The following RAET1E variants were observed in gnomAD, a reference collection of about 807,000 sequenced individuals.
The protein encoded by RAET1E is NKG2D ligand 4.
RAET1E carries 27 observed loss-of-function variants against 21.1 expected under a neutral mutation model. The ratio of observed to expected loss-of-function variants is 1.28; its 90% CI spans 0.94 to 1.76. The LOEUF (loss-of-function observed/expected upper bound fraction) is 1.76. Among genes scored for constraint, RAET1E ranks in the 40% most tolerant of loss-of-function variants. The pLI is 0.00. For synonymous variants in RAET1E, 113 were observed against 115.0 expected, an observed-to-expected ratio of 0.98 and a Z score of 0.11; for missense variants, 310 against 311.3, an observed-to-expected ratio of 1.00 and a Z score of 0.03.
At chr6:149,897,839 C>T (rs942738261) in intron 1 of RAET1E, among the ~76,000 whole-genome samples, 182 bp downstream of exon 1, 4 of 152,052 alleles carry the variant, frequency 2.6e-5, no homozygotes, top group African/African-American at 4.8e-5. Context: ...ACCCCGTCCT[C>T]CCTGCCTTAT....
In RAET1E at chr6:149,889,352, C is replaced by T. The variant is rs147799535; in HGVS notation, c.618G>A (p.Pro206=). ...TCTCCCACCCAGCTCAGTTACCTGT[C>T]GGTTCTGGCATTGCCTCCCAGTGCC... ...FLGHWEAMPE[P]TVSPVNASDI... Residue 206 remains proline (P), a synonymous_variant, in exon 5 of 6, where the codon CCG becomes CCA. Coordinates refer to ENST00000357183, the MANE Select transcript of RAET1E (RefSeq NM_001394057.1). 101 of 1,614,000 alleles carry T rather than the reference C, an allele frequency of 6.3e-5. No homozygotes were observed. The highest frequency in any genetic ancestry group is 7.4e-5 in the Non-Finnish European group (87 of 1,179,990).
intron 2 of RAET1E, among the ~76,000 whole-genome samples, chr6:149,894,829 T>C (rs1582779689): frequency 6.6e-6 from 1 of 152,202 alleles, no homozygotes; most frequent in Non-Finnish European, 1.5e-5. Context: ...GGCGAGGAGT[T>C]GTGATCATTT....
chr6:149,889,180 G>A, intron 5 of RAET1E, 168 bp downstream of exon 5: 1 of 1,441,932 alleles, frequency 6.9e-7, no homozygotes, highest in Non-Finnish European at 9.0e-7. Flanking sequence ...GGTGGGATGG[G>A]AAAGGGAGGA....
At chr6:149,889,207 T>C in intron 5 of RAET1E, 141 bp downstream of exon 5, 1 of 1,452,958 alleles carries the variant, frequency 6.9e-7, no homozygotes, top group Non-Finnish European at 9.0e-7. Context: ...GAAATCCTTA[T>C]AGCCATCACT....
intron 3 of RAET1E, 84 bp downstream of exon 3, chr6:149,890,733 G>T: frequency 1.1e-6 from 1 of 905,988 alleles, no homozygotes; most frequent in Non-Finnish European, 1.8e-6. Context: ...CTTGTCTGAA[G>T]CCTGCATGAA....
At position 149,886,306 on chromosome 6, in the gene RAET1E, G is replaced by A. The variant is rs768824316; in HGVS notation, c.*2192C>T. Among the ~76,000 whole-genome samples the A allele has an allele frequency of 1.3e-5, 2 of 152,176 alleles. No homozygotes were observed. Among genetic ancestry groups the A allele is most frequent in the Non-Finnish European group, 2.9e-5 (2 of 68,040 alleles). On this transcript the variant is annotated 3_prime_UTR_variant, in exon 6 of 6. Coordinates refer to ENST00000357183, the MANE Select transcript of RAET1E (RefSeq NM_001394057.1). ...AAACATTTGAGGATTTTTCCAGATA[G>A]CTTCCTGCTGTTGATTTCTAGTTTA... is the stretch of plus-strand genomic sequence containing the variant.
chr6:149,888,474 C>A lies in RAET1E; in HGVS notation c.*24G>T. 6.2e-7 allele frequency: 1 copy of A among 1,605,480 alleles called. No individual in the cohort carries two copies. The highest frequency in any genetic ancestry group is 1.1e-5 in the South Asian group (1 of 90,560). On this transcript the variant is annotated 3_prime_UTR_variant, in exon 6 of 6. Transcript: ENST00000357183. ...GGGGGCTTGGATGAGACCCATGATTCACCTCTCTTGAGTCCTTACCAGACT... is the reference window on the plus strand; with the variant it reads ...GGGGGCTTGGATGAGACCCATGATTAACCTCTCTTGAGTCCTTACCAGACT...
chr6:149,884,385 G>T lies in RAET1E; in HGVS notation c.*4113C>A. 2 of 1,076,166 alleles carry T rather than the reference G, an allele frequency of 1.9e-6. No individual in the cohort carries two copies. The highest frequency in any genetic ancestry group is 2.7e-6 in the Non-Finnish European group (2 of 729,946). The allele number at this position is 1,076,166 out of a possible 1,614,324, so 66.7% of individuals were successfully genotyped here. A position where few individuals can be genotyped will look rare whatever the true frequency, so the allele number is the denominator to read the frequency against. On this transcript the variant is annotated 3_prime_UTR_variant, in exon 6 of 6. Transcript: ENST00000357183. ...GAGGCGCGATCTCCGCTCATTGCAG[G>T]CTCCGCCTCCACTTGACTCAGGGAA...
chr6:149,888,689 A>AG (rs754082952), intron 5 of RAET1E, 22 bp from the exon 6 acceptor site: 1 of 1,542,824 alleles, frequency 6.5e-7, no homozygotes, highest in Non-Finnish European at 8.6e-7. Context: ...AAAAAAAAGA[A>AG]AAAAAAGCAC....
In RAET1E at chr6:149,888,166, G is replaced by C. The variant is rs759232858; in HGVS notation, c.*332C>G. On this transcript the variant is annotated 3_prime_UTR_variant, in exon 6 of 6. Coordinates refer to ENST00000357183, the MANE Select transcript of RAET1E (RefSeq NM_001394057.1). ...CAAGCGCCACCAGCAAGTCTTCTCA[G>C]GGTGAACGGGAAAAGGGGATGGGAC... 2.8e-5 allele frequency: 16 copies of C among 572,010 alleles called. No individual in the cohort carries two copies. The highest frequency in any genetic ancestry group is 1.9e-4 in the Admixed American group (10 of 52,018). 35.4% of individuals were successfully genotyped at this position (572,010 alleles called of 1,614,324 possible).
rs1200750168 is a variant in RAET1E, at chr6:149,884,624, G to T, written c.*3874C>A. 9.5e-6 allele frequency: 8 copies of T among 839,122 alleles called. No homozygotes were observed. Among genetic ancestry groups the T allele is most frequent in the Middle Eastern group, 2.2e-4 (1 of 4,596 alleles). The allele number at this position is 839,122 out of a possible 1,614,324, so 52.0% of individuals were successfully genotyped here. On this transcript the variant is annotated 3_prime_UTR_variant, in exon 6 of 6. Transcript: ENST00000357183. Reference sequence around the variant, plus strand: ...TCTCAGGGAGAGATCAGCCGCTATTGTTCACATTCTGCCTCTCTGTCATCT... The same window carrying T: ...TCTCAGGGAGAGATCAGCCGCTATTTTTCACATTCTGCCTCTCTGTCATCT...
intron 5 of RAET1E, 196 bp downstream of exon 5, chr6:149,889,152 G>A (rs1777758142): frequency 7.0e-7 from 1 of 1,438,736 alleles, no homozygotes; most frequent in Non-Finnish European, 9.1e-7. Flanking sequence ...TTTCTACACT[G>A]AGGAAGAAAC....
In RAET1E at chr6:149,883,181, G is replaced by C. The variant is rs1777472088; in HGVS notation, c.*5317C>G. ...TAATAGAAGGGATAGTCTGAAAACAGAGTTGCAAATAAGTTTATAATTTGT... is the reference window on the plus strand; with the variant it reads ...TAATAGAAGGGATAGTCTGAAAACACAGTTGCAAATAAGTTTATAATTTGT... On this transcript the variant is annotated 3_prime_UTR_variant, in exon 6 of 6. Transcript: ENST00000357183. 6.6e-6 allele frequency among the ~76,000 whole-genome samples: 1 copy of C among 152,044 alleles called. No homozygotes were observed. The highest frequency in any genetic ancestry group is 2.4e-5 in the African/African-American group (1 of 41,392).
At position 149,888,685 on chromosome 6, in the gene RAET1E, A is replaced by G. The variant is rs536446234; in HGVS notation, c.623-18T>C. Reference sequence around the variant, plus strand: ...TGGTGACACTAAAAAAAAAAAAAAAAAGAAAAAAAAGCACAAGCCCTGTCA... The same window carrying G: ...TGGTGACACTAAAAAAAAAAAAAAAGAGAAAAAAAAGCACAAGCCCTGTCA... On this transcript the variant is annotated intron_variant, in intron 5 of 5. Transcript: ENST00000357183. The G allele has an allele frequency of 4.5e-4, 692 of 1,551,786 alleles. 4 individuals are homozygous for G. In the African/African-American group the frequency reaches 9.0e-3, roughly 20 times the overall value.
At chr6:149,890,190 C>T in intron 3 of RAET1E, 45 bp from the exon 4 acceptor site, 1 of 1,602,278 alleles carries the variant, frequency 6.2e-7, no homozygotes, top group Non-Finnish European at 8.5e-7. Flanking sequence ...GGGGAAGAGG[C>T]CCATTAGAAC....
chr6:149,890,987 G>T lies in RAET1E; in HGVS notation c.-86C>A, dbSNP rs967814266. ...GAAGAAATGTTATCCAACAGCGTGG[G>T]TGTGGGCACTGCCCAAATTCTTTAC... On this transcript the variant is annotated 5_prime_UTR_variant, in exon 3 of 6. Transcript: ENST00000357183. 2.1e-6 allele frequency: 2 copies of T among 971,656 alleles called. No homozygotes were observed. The highest frequency in any genetic ancestry group is 1.9e-5 in the Admixed American group (1 of 52,700). 60.2% of individuals were successfully genotyped at this position (971,656 alleles called of 1,614,324 possible).
chr6:149,889,106 G>A, intron 5 of RAET1E: 2 of 1,423,018 alleles, frequency 1.4e-6, no homozygotes, highest in Non-Finnish European at 9.1e-7. Flanking sequence ...TTAGCAGTGG[G>A]TCATTGTGAC....
rs1777526987 is a variant in RAET1E, at chr6:149,884,562, C to T, written c.*3936G>A. On this transcript the variant is annotated 3_prime_UTR_variant, in exon 6 of 6. Coordinates refer to ENST00000357183, the MANE Select transcript of RAET1E (RefSeq NM_001394057.1). ...TGGGTCAGATCAGCTCAGGATTGAC[C>T]CCTCCGTGATCTCTCAGGACTCAGA... 6.7e-7 allele frequency: 1 copy of T among 1,486,302 alleles called. No homozygotes were observed. Among genetic ancestry groups the T allele is most frequent in the Non-Finnish European group, 9.1e-7 (1 of 1,102,094 alleles). 92.1% of individuals were successfully genotyped at this position (1,486,302 alleles called of 1,614,324 possible).
At chr6:149,895,326 G>A (rs1040282696) in intron 2 of RAET1E, among the ~76,000 whole-genome samples, 1 of 152,234 alleles carries the variant, frequency 6.6e-6, no homozygotes, top group Non-Finnish European at 1.5e-5. Flanking sequence ...GCCATCAGGC[G>A]GGGACATTTA....
Sources: allele counts gnomAD v4.1 joint callset (sites outside exome capture counted in the v4.1 genomes callset), GRCh38; gene constraint gnomAD v4.1.1; transcripts MANE v1.5; gene names NCBI Gene and HGNC (gene_info 2026-07-23, HGNC 2026-07-21).